Variants in FHOD3 observed in about 807,000 individuals in gnomAD.
The protein encoded by FHOD3 is formin homology 2 domain containing 3, also known as FH1/FH2 domain-containing protein 3.
FHOD3 carries 90 observed loss-of-function variants against 173.0 expected under a neutral mutation model. The ratio of observed to expected loss-of-function variants is 0.52; its 90% confidence interval spans 0.44 to 0.62. The LOEUF (loss-of-function observed/expected upper bound fraction) is 0.62, where lower values mean the gene tolerates loss of function less well. Ranked by LOEUF, FHOD3 falls within the 20% of genes least tolerant of loss-of-function variation. The probability of loss-of-function intolerance (pLI) is 0.00; values close to 1 mark genes in which losing one functional copy is unlikely to be tolerated. For synonymous variants in FHOD3, 828 were observed against 823.0 expected (o/e 1.01, Z -0.10); for missense variants, 1,945 against 2,034.7 (o/e 0.96, Z 0.85).
At chr18:36,686,828 T>TA (rs1228347050) in intron 15 of FHOD3, among the ~76,000 whole-genome samples, 1 of 152,210 alleles carries the variant, frequency 6.6e-6, no homozygotes, top group African/African-American at 2.4e-5. Flanking sequence ...ATGGATTTTT[T>TA]AAAAACTTCT....
chr18:36,555,282 C>A (rs1277823533), intron 5 of FHOD3, among the ~76,000 whole-genome samples: 5 of 151,016 alleles, frequency 3.3e-5, no homozygotes, highest in African/African-American at 1.2e-4. Context: ...TTGGTTTGTT[C>A]TTTAACCCTG....
intron 6 of FHOD3, among the ~76,000 whole-genome samples, chr18:36,577,463 G>T (rs1237808479): frequency 6.6e-6 from 1 of 152,070 alleles, no homozygotes; most frequent in Non-Finnish European, 1.5e-5. Context: ...ACCACCCTGG[G>T]CTAATTTTTG....
intron 14 of FHOD3, among the ~76,000 whole-genome samples, chr18:36,676,834 A>G (rs2037894280): frequency 6.6e-6 from 1 of 151,868 alleles, no homozygotes; most frequent in Non-Finnish European, 1.5e-5. Context: ...CCCTTTGCCC[A>G]TTTTCCTCTG....
intron 3 of FHOD3, among the ~76,000 whole-genome samples, chr18:36,377,695 C>T (rs1359053018): frequency 6.6e-6 from 1 of 152,194 alleles, no homozygotes; most frequent in East Asian, 1.9e-4. Context: ...AGGATCCACA[C>T]AGATGCAGCT....
chr18:36,388,837 A>T (rs952350597), intron 3 of FHOD3, among the ~76,000 whole-genome samples: 6 of 152,166 alleles, frequency 3.9e-5, no homozygotes, highest in Non-Finnish European at 7.3e-5. Flanking sequence ...TTTTTGTATC[A>T]TTTTGCCTAT....
chr18:36,753,029 C>T (rs970818447), intron 24 of FHOD3, among the ~76,000 whole-genome samples: 3 of 151,848 alleles, frequency 2.0e-5, no homozygotes, highest in African/African-American at 7.3e-5. Context: ...TAGGTAGTGA[C>T]CTGACACAGG....
chr18:36,437,925 G>A (rs1245500057), intron 3 of FHOD3, among the ~76,000 whole-genome samples: 1 of 152,092 alleles, frequency 6.6e-6, no homozygotes, highest in Non-Finnish European at 1.5e-5. Context: ...GCCTCCCAAA[G>A]TGCTGGGATT....
At chr18:36,469,137 A>G (rs2053126840) in intron 3 of FHOD3, among the ~76,000 whole-genome samples, 1 of 152,046 alleles carries the variant, frequency 6.6e-6, no homozygotes, top group Admixed American at 6.5e-5. Context: ...ACAGGGGTGT[A>G]ATTTTCTGTT....
intron 1 of FHOD3, among the ~76,000 whole-genome samples, chr18:36,329,979 T>C (rs1401429341): frequency 6.6e-6 from 1 of 152,168 alleles, no homozygotes; most frequent in African/African-American, 2.4e-5. Flanking sequence ...ATGCAGTGAT[T>C]GATGAGTCAG....
intron 4 of FHOD3, among the ~76,000 whole-genome samples, chr18:36,503,507 C>A (rs1392926725): frequency 3.3e-5 from 5 of 152,220 alleles, no homozygotes; most frequent in Non-Finnish European, 2.9e-5. Flanking sequence ...ACCACGGAGT[C>A]CCTTCTCTGT....
chr18:36,771,631 C>G (rs996860298), intron 28 of FHOD3, among the ~76,000 whole-genome samples: 1 of 152,190 alleles, frequency 6.6e-6, no homozygotes, highest in Non-Finnish European at 1.5e-5. Flanking sequence ...TTAGTTCATT[C>G]AAGGAGGCCA....
intron 10 of FHOD3, among the ~76,000 whole-genome samples, chr18:36,642,956 A>G (rs763755256): frequency 4.0e-5 from 6 of 151,410 alleles, no homozygotes; most frequent in Admixed American, 1.3e-4. Context: ...TTACACACAT[A>G]TGACACATTA....
At chr18:36,628,501 A>T (rs146642841) in intron 10 of FHOD3, among the ~76,000 whole-genome samples, 19 of 152,342 alleles carry the variant, frequency 1.2e-4, no homozygotes, top group African/African-American at 4.3e-4. Flanking sequence ...TAAGCCAGCT[A>T]TGTGCTTTAA....
At chr18:36,609,627 T>G (rs866606033) in intron 8 of FHOD3, among the ~76,000 whole-genome samples, 53 of 137,010 alleles carry the variant, frequency 3.9e-4, no homozygotes, top group African/African-American at 1.4e-3. Context: ...TTTTTTTTTT[T>G]GAGACAGAGT....
Position 36,360,545 on chromosome 18 carries a change from GA to G in FHOD3, c.272+4902del, listed in dbSNP as rs146408325. ...TGGATGTGCATCTGGGAAAGGTTAA[GA>G]AGGGCCATGCAGAGTCCCATCTGCA... On this transcript the variant is annotated intron_variant, in intron 2 of 28. Transcript: ENST00000590592. Among the ~76,000 whole-genome samples, 51 of 152,330 alleles carry G rather than the reference GA, an allele frequency of 3.3e-4. No homozygotes were observed. The East Asian group carries it at 8.1e-3, about 24-fold the overall frequency.
chr18:36,605,001 A>G (rs962729679), intron 8 of FHOD3, among the ~76,000 whole-genome samples: 2 of 152,250 alleles, frequency 1.3e-5, no homozygotes, highest in African/African-American at 4.8e-5. Context: ...TTGCCTTTTA[A>G]TGAAGTATCA....
intron 3 of FHOD3, among the ~76,000 whole-genome samples, chr18:36,477,001 A>G (rs2053608766): frequency 6.6e-6 from 1 of 152,198 alleles, no homozygotes; most frequent in Non-Finnish European, 1.5e-5. Context: ...AAATGGGGTG[A>G]TACAACTTGG....
chr18:36,733,376 C>A (rs2041470587), intron 20 of FHOD3, among the ~76,000 whole-genome samples: 2 of 152,190 alleles, frequency 1.3e-5, no homozygotes, highest in African/African-American at 4.8e-5. Flanking sequence ...ACAACAAGGT[C>A]CTTTAGAGAG....
chr18:36,754,263 A>G (rs1304020765), intron 24 of FHOD3, among the ~76,000 whole-genome samples: 2 of 152,284 alleles, frequency 1.3e-5, no homozygotes, highest in Non-Finnish European at 2.9e-5. Context: ...AAAAATCCAT[A>G]TTCAAGCTGT....
Sources: allele counts gnomAD v4.1 joint callset (sites outside exome capture counted in the v4.1 genomes callset), GRCh38; gene constraint gnomAD v4.1.1; transcripts MANE v1.5; gene names NCBI Gene and HGNC (gene_info 2026-07-23, HGNC 2026-07-21).